The following PPFIA2 variants were observed in gnomAD, a reference collection of about 807,000 sequenced individuals.
PPFIA2 encodes PPFI scaffold protein A2.
Under a neutral mutation model 175.5 loss-of-function variants are expected in PPFIA2, and 46 were observed. That is an observed-to-expected ratio of 0.26 (90% confidence interval 0.21 to 0.34). PPFIA2 has a LOEUF of 0.34. PPFIA2 is among the 10% of genes least tolerant of loss of function. The probability of loss-of-function intolerance (pLI) is 1.00; values close to 1 mark genes in which losing one functional copy is unlikely to be tolerated. For synonymous variants in PPFIA2, 568 were observed against 511.4 expected (o/e 1.11, Z -1.49); for missense variants, 1,179 against 1,506.1 (o/e 0.78, Z 3.60).
chr12:81,753,317 AT>A (rs145191251), intron 3 of PPFIA2, among the ~76,000 whole-genome samples: 34,019 of 150,662 alleles, frequency 0.23, 4,215 homozygotes, highest in Middle Eastern at 0.37. Context: ...ATATCTTAGG[AT>A]TTTTTTTTTC....
At chr12:81,687,763 A>T (rs979351704) in intron 3 of PPFIA2, among the ~76,000 whole-genome samples, 1 of 151,872 alleles carries the variant, frequency 6.6e-6, no homozygotes, top group Non-Finnish European at 1.5e-5. Flanking sequence ...AATATTTATT[A>T]TAATAATTAA....
intron 15 of PPFIA2, among the ~76,000 whole-genome samples, chr12:81,359,802 T>A (rs2061358555): frequency 6.6e-6 from 1 of 151,808 alleles, no homozygotes; most frequent in South Asian, 2.1e-4. Context: ...TCCAGATAAT[T>A]TATTTTAAAA....
At chr12:81,334,274 T>C (rs1028169123) in intron 21 of PPFIA2, among the ~76,000 whole-genome samples, 5 of 152,186 alleles carry the variant, frequency 3.3e-5, no homozygotes, top group African/African-American at 1.2e-4. Flanking sequence ...GCCAAAAATA[T>C]AGTGAAGTTT....
chr12:81,610,555 A>T (rs951750191), intron 4 of PPFIA2, among the ~76,000 whole-genome samples: 1 of 152,150 alleles, frequency 6.6e-6, no homozygotes, highest in Non-Finnish European at 1.5e-5. Context: ...AAATTCTTGT[A>T]GTGAGTTTTC....
At chr12:81,360,373 T>C (rs2061429925) in intron 15 of PPFIA2, among the ~76,000 whole-genome samples, 2 of 151,876 alleles carry the variant, frequency 1.3e-5, no homozygotes. Context: ...CTCTTGCATG[T>C]AATCTCATTA....
chr12:81,453,956 GC>G (rs539970677), intron 5 of PPFIA2, among the ~76,000 whole-genome samples: 2 of 152,166 alleles, frequency 1.3e-5, no homozygotes, highest in African/African-American at 2.4e-5. Flanking sequence ...AGTGGCTCAT[GC>G]CTGTAATCCC....
chr12:81,365,062 G>A (rs982901879), intron 14 of PPFIA2, among the ~76,000 whole-genome samples: 1 of 151,706 alleles, frequency 6.6e-6, no homozygotes, highest in Non-Finnish European at 1.5e-5. Context: ...GACCCAGTAG[G>A]TAATCTAAAT....
chr12:81,701,310 A>G (rs2076448105), intron 3 of PPFIA2, among the ~76,000 whole-genome samples: 1 of 152,184 alleles, frequency 6.6e-6, no homozygotes, highest in Non-Finnish European at 1.5e-5. Context: ...ACAGGTGGGA[A>G]GTTGACCTGC....
intron 22 of PPFIA2, among the ~76,000 whole-genome samples, chr12:81,317,162 G>A (rs1477104751): frequency 2.0e-5 from 3 of 151,482 alleles, no homozygotes; most frequent in African/African-American, 4.8e-5. Flanking sequence ...AAAAAATGAA[G>A]CAGAATATAT....
At chr12:81,301,081 G>A (rs1418775900) in intron 22 of PPFIA2, among the ~76,000 whole-genome samples, 1 of 152,070 alleles carries the variant, frequency 6.6e-6, no homozygotes, top group Non-Finnish European at 1.5e-5. Context: ...GGGGTTAATA[G>A]CCATTGAAGG....
intron 6 of PPFIA2, among the ~76,000 whole-genome samples, chr12:81,445,226 G>T (rs1200186153): frequency 7.5e-6 from 1 of 132,562 alleles, no homozygotes; most frequent in African/African-American, 3.0e-5. Flanking sequence ...GGAGGGGGGA[G>T]AGAGAGAGAG....
At chr12:81,572,235 G>A (rs2072686944) in intron 4 of PPFIA2, among the ~76,000 whole-genome samples, 1 of 151,884 alleles carries the variant, frequency 6.6e-6, no homozygotes, top group Non-Finnish European at 1.5e-5. Flanking sequence ...CAATCTGCTT[G>A]ACCCATGTCC....
intron 4 of PPFIA2, among the ~76,000 whole-genome samples, chr12:81,516,109 G>T (rs1306650965): frequency 6.6e-6 from 1 of 152,066 alleles, no homozygotes; most frequent in Non-Finnish European, 1.5e-5. Context: ...AAGAGTAGAA[G>T]AGTGGAAAAG....
Position 81,373,875 on chromosome 12 carries a change from T to C in PPFIA2, c.1266+759A>G, listed in dbSNP as rs140957762. Among the ~76,000 whole-genome samples the C allele has an allele frequency of 4.2e-3, 641 of 152,160 alleles. 5 individuals are homozygous for C. Among genetic ancestry groups the C allele is most frequent in the African/African-American group, 0.015 (610 of 41,530 alleles). ...ATTAATGATTGTATAAAAATATAAA[T>C]TGTGTGATTATTTTTGAATTCATAT... is the stretch of plus-strand genomic sequence containing the variant. On this transcript the variant is annotated intron_variant, in intron 11 of 32. Coordinates refer to ENST00000549396, the MANE Select transcript of PPFIA2 (RefSeq NM_003625.5).
intron 4 of PPFIA2, among the ~76,000 whole-genome samples, chr12:81,645,599 G>T (rs2065951838): frequency 6.6e-6 from 1 of 152,214 alleles, no homozygotes; most frequent in Admixed American, 6.5e-5. Flanking sequence ...TAAACATTCA[G>T]AAAGCTGAGT....
Position 81,536,745 on chromosome 12 carries a change from C to CATATATATATAT in PPFIA2, c.304-78891_304-78880dup, listed in dbSNP as rs3075445. Reference sequence around the variant, plus strand: ...ATATACACAAATATATATACATAAACATATATATATATATATATATATAGT... The same window carrying CATATATATATAT: ...ATATACACAAATATATATACATAAACATATATATATATATATATATATATATATATATATAGT... On this transcript the variant is annotated intron_variant, in intron 4 of 32. Coordinates refer to ENST00000549396, the MANE Select transcript of PPFIA2 (RefSeq NM_003625.5). Among the ~76,000 whole-genome samples the CATATATATATAT allele has an allele frequency of 5.9e-3, 809 of 136,622 alleles. 6 individuals carry two copies. The highest frequency in any genetic ancestry group is 0.021 in the South Asian group (92 of 4,332). 89.6% of individuals were successfully genotyped at this position (136,622 alleles called of 152,430 possible).
intron 4 of PPFIA2, among the ~76,000 whole-genome samples, chr12:81,550,826 G>GA (rs1200488177): frequency 1.6e-4 from 24 of 151,874 alleles, no homozygotes; most frequent in Admixed American, 7.2e-4. Flanking sequence ...ACTCTGGGGG[G>GA]AAAATCTATA....
intron 4 of PPFIA2, among the ~76,000 whole-genome samples, chr12:81,584,332 C>G (rs564760526): frequency 6.6e-6 from 1 of 151,722 alleles, no homozygotes; most frequent in Non-Finnish European, 1.5e-5. Flanking sequence ...ATTTATGATG[C>G]CATATATCAT....
At chr12:81,262,724 T>C (rs185537976) in intron 31 of PPFIA2, among the ~76,000 whole-genome samples, 1 of 152,240 alleles carries the variant, frequency 6.6e-6, no homozygotes, top group East Asian at 1.9e-4. Flanking sequence ...GTTTTGTGTT[T>C]CTTTAATTCT....
Sources: allele counts gnomAD v4.1 joint callset (sites outside exome capture counted in the v4.1 genomes callset), GRCh38; gene constraint gnomAD v4.1.1; transcripts MANE v1.5; gene names NCBI Gene and HGNC (gene_info 2026-07-23, HGNC 2026-07-21).